The following CERKL variants were observed in gnomAD, a reference collection of about 807,000 sequenced individuals.
CERKL encodes the protein ceramide kinase-like protein.
A neutral mutation model predicts 63.4 loss-of-function variants in CERKL; 61 were observed. The observed-to-expected ratio is 0.96, with a 90% CI of 0.78 to 1.19. CERKL has a LOEUF of 1.19. Ranked by LOEUF, CERKL falls within the 50% of genes most tolerant of loss-of-function variation. The probability of loss-of-function intolerance (pLI) is 0.00; values close to 1 mark genes in which losing one functional copy is unlikely to be tolerated. For missense variants in CERKL, 675 were observed against 655.5 expected, an observed-to-expected ratio of 1.03 and a Z score of -0.33; for synonymous variants, 250 against 230.5, an observed-to-expected ratio of 1.08 and a Z score of -0.77.
At chr2:181,592,270 C>A (rs1217884894) in intron 2 of CERKL, among the ~76,000 whole-genome samples, 1 of 152,092 alleles carries the variant, frequency 6.6e-6, no homozygotes, top group Non-Finnish European at 1.5e-5. Context: ...CTGGGTCTGA[C>A]AGCTCTAAAA....
At chr2:181,559,698 T>G (rs922140794) in intron 4 of CERKL, among the ~76,000 whole-genome samples, 1 of 152,208 alleles carries the variant, frequency 6.6e-6, no homozygotes, top group Non-Finnish European at 1.5e-5. Context: ...TTAAAAACAC[T>G]ATTTCAAACA....
intron 11 of CERKL, among the ~76,000 whole-genome samples, chr2:181,543,596 A>T (rs1265735490): frequency 2.0e-5 from 3 of 152,196 alleles, no homozygotes; most frequent in Admixed American, 6.5e-5. Context: ...TAAGGTACAT[A>T]AGCAAGGTTC....
chr2:181,602,330 T>C (rs1685491098), intron 2 of CERKL, among the ~76,000 whole-genome samples: 2 of 152,254 alleles, frequency 1.3e-5, no homozygotes, highest in Non-Finnish European at 2.9e-5. Flanking sequence ...ATGCAAGTTT[T>C]ATGTATTCCT....
chr2:181,634,016 A>G (rs915878969), intron 1 of CERKL, among the ~76,000 whole-genome samples: 1 of 152,206 alleles, frequency 6.6e-6, no homozygotes, highest in African/African-American at 2.4e-5. Flanking sequence ...ATCCATTAAA[A>G]GGGCACTTTT....
chr2:181,635,782 C>T (rs1687154742), intron 1 of CERKL, among the ~76,000 whole-genome samples: 1 of 152,112 alleles, frequency 6.6e-6, no homozygotes, highest in Admixed American at 6.6e-5. Context: ...AAATGAAGAA[C>T]TTTTAAGCTT....
intron 1 of CERKL, among the ~76,000 whole-genome samples, chr2:181,637,965 G>C (rs1038350827): frequency 6.6e-6 from 1 of 151,932 alleles, no homozygotes; most frequent in African/African-American, 2.4e-5. Context: ...TTATACTTTT[G>C]ATTGGCAGCA....
intron 1 of CERKL, among the ~76,000 whole-genome samples, chr2:181,637,824 G>A (rs1441550764): frequency 1.3e-5 from 2 of 151,790 alleles, no homozygotes; most frequent in Non-Finnish European, 2.9e-5. Flanking sequence ...ATAAGTTGGG[G>A]GTATAACTTC....
In CERKL at chr2:181,548,732, A is replaced by T; in HGVS notation, c.1021T>A (p.Ser341Thr). Residue 341 changes from serine to threonine, a missense_variant, in exon 7 of 13, where the codon TCC (serine) becomes ACC (threonine). Ser to Thr is a moderately conservative substitution (Grantham distance 58). Transcript: ENST00000410087. ...GCAAAATCTCTCCGTTGGTTAGGGGACATCCATCGATATTTTTCTGCCAGA... is the reference window on the plus strand; with the variant it reads ...GCAAAATCTCTCCGTTGGTTAGGGGTCATCCATCGATATTTTTCTGCCAGA... ...LALAEKYRWMSPNQRRDFAVV... is the reference protein window; with the variant it reads ...LALAEKYRWMTPNQRRDFAVV... 6.2e-7 allele frequency: 1 copy of T among 1,614,038 alleles called. No homozygotes were observed. The highest frequency in any genetic ancestry group is 1.3e-5 in the African/African-American group (1 of 75,062).
chr2:181,656,570 C>A (rs918268808), intron 1 of CERKL, among the ~76,000 whole-genome samples, 199 bp downstream of exon 1: 3 of 150,820 alleles, frequency 2.0e-5, no homozygotes, highest in African/African-American at 4.9e-5. Context: ...TGGGATGGGG[C>A]GAGAGGCGTG....
In CERKL at chr2:181,540,862, CAA is replaced by C. The variant is rs1177945950; in HGVS notation, c.1366-1600_1366-1599del. The stretch of plus-strand genomic sequence containing the variant: ...CAAGTGTGGAGTTCAACAGAGGAAA[CAA>C]GAGGAGGCAAACAGGCTATGGATGT... On this transcript the variant is annotated intron_variant, in intron 11 of 12. Coordinates refer to ENST00000410087, the MANE Select transcript of CERKL (RefSeq NM_201548.5). Among the ~76,000 whole-genome samples the C allele has an allele frequency of 3.9e-5, 6 of 152,224 alleles. No individual in the cohort carries two copies. The South Asian group carries it at 8.3e-4, about 21-fold the overall frequency.
intron 1 of CERKL, among the ~76,000 whole-genome samples, chr2:181,605,340 T>G (rs1243937922): frequency 2.6e-5 from 4 of 152,188 alleles, no homozygotes; most frequent in Non-Finnish European, 5.9e-5. Context: ...ACTGTAGATT[T>G]GCAGAGGTCC....
At chr2:181,587,436 A>T (rs546354206) in intron 2 of CERKL, among the ~76,000 whole-genome samples, 183 of 152,324 alleles carry the variant, frequency 1.2e-3, no homozygotes, top group African/African-American at 3.5e-3. Flanking sequence ...AAGAAGAAAA[A>T]TTCAGCCAAA....
intron 5 of CERKL, among the ~76,000 whole-genome samples, chr2:181,554,460 A>G (rs1385763208): frequency 1.3e-5 from 2 of 152,170 alleles, no homozygotes; most frequent in Admixed American, 1.3e-4. Flanking sequence ...CTCTATAGGA[A>G]TATATGGTTC....
chr2:181,586,567 A>G lies in CERKL; in HGVS notation c.482-12683T>C, dbSNP rs180954736. On this transcript the variant is annotated intron_variant, in intron 2 of 12. Coordinates refer to ENST00000410087, the MANE Select transcript of CERKL (RefSeq NM_201548.5). ...AGGTATAATTCAACATTAATATGCA[A>G]CTGACTTGGTTCTCAGTCCTTTGGT... Among the ~76,000 whole-genome samples, 532 of 152,342 alleles carry G rather than the reference A, an allele frequency of 3.5e-3. 9 individuals are homozygous for G. Among genetic ancestry groups the G allele is most frequent in the African/African-American group, 0.011 (464 of 41,572 alleles).
At chr2:181,626,194 T>C (rs981922030) in intron 1 of CERKL, among the ~76,000 whole-genome samples, 3 of 152,134 alleles carry the variant, frequency 2.0e-5, no homozygotes, top group Non-Finnish European at 2.9e-5. Flanking sequence ...TTGACTGGTG[T>C]TTACCTCTCC....
Position 181,537,767 on chromosome 2 carries a change from A to AAAACAGAATTTGAATTGATATTTC in CERKL, c.*393_*416dup. 1 of 450,022 alleles carries AAAACAGAATTTGAATTGATATTTC rather than the reference A, an allele frequency of 2.2e-6. No individual in the cohort carries two copies. Among genetic ancestry groups the AAAACAGAATTTGAATTGATATTTC allele is most frequent in the Non-Finnish European group, 4.4e-6 (1 of 226,366 alleles). The allele number at this position is 450,022 out of a possible 1,614,324, so 27.9% of individuals were successfully genotyped here. Reference sequence around the variant, plus strand: ...AAAAAAGAATTTGAATTGATATCTAAAAACAGAATTTGAATTGATATTTCA... The same window carrying AAAACAGAATTTGAATTGATATTTC: ...AAAAAAGAATTTGAATTGATATCTAAAAACAGAATTTGAATTGATATTTCAAACAGAATTTGAATTGATATTTCA... On this transcript the variant is annotated 3_prime_UTR_variant, in exon 13 of 13. Transcript: ENST00000410087.
chr2:181,572,897 C>A (rs1688971426), intron 3 of CERKL, among the ~76,000 whole-genome samples: 3 of 151,578 alleles, frequency 2.0e-5, no homozygotes. Flanking sequence ...TGAGTAAAGC[C>A]ACATCACTGT....
intron 1 of CERKL, among the ~76,000 whole-genome samples, chr2:181,646,188 G>T (rs1443828074): frequency 6.6e-6 from 1 of 152,186 alleles, no homozygotes; most frequent in African/African-American, 2.4e-5. Context: ...ATTGGTGGGT[G>T]TTTAGAAATA....
chr2:181,613,354 A>G (rs1686056617), intron 1 of CERKL, among the ~76,000 whole-genome samples: 1 of 152,252 alleles, frequency 6.6e-6, no homozygotes, highest in African/African-American at 2.4e-5. Flanking sequence ...TTAACTGAAG[A>G]GTATTTCATC....
Sources: gnomAD v4.1 joint callset for allele counts (sites outside exome capture counted in the v4.1 genomes callset) on GRCh38, gnomAD v4.1.1 for gene constraint, MANE v1.5 for transcripts, NCBI Gene and HGNC (gene_info 2026-07-23, HGNC 2026-07-21) for gene names.